Variants in CHL1 observed in about 807,000 individuals in gnomAD.
CHL1 encodes neural cell adhesion molecule L1-like protein.
CHL1 carries 96 observed loss-of-function variants against 141.9 expected under a neutral mutation model. The ratio of observed to expected loss-of-function variants is 0.68; its 90% CI spans 0.57 to 0.80. CHL1 has a LOEUF of 0.80. Ranked by LOEUF, CHL1 falls within the 30% of genes least tolerant of loss-of-function variation. The probability of loss-of-function intolerance (pLI) is 0.00; values close to 1 mark genes in which losing one functional copy is unlikely to be tolerated. For missense variants in CHL1, 1,820 were observed against 1,457.2 expected (o/e 1.25, Z -4.05); for synonymous variants, 613 against 502.2 (o/e 1.22, Z -2.95).
At chr3:261,199 T>C (rs1694688667) in intron 2 of CHL1, among the ~76,000 whole-genome samples, 1 of 152,170 alleles carries the variant, frequency 6.6e-6, no homozygotes, top group East Asian at 1.9e-4. Flanking sequence ...AATTACTTAG[T>C]GAAGCCAGCC....
At chr3:384,586 G>T (rs1274697167) in intron 19 of CHL1, 1 of 152,002 alleles carries the variant, frequency 6.6e-6, no homozygotes, top group Non-Finnish European at 1.5e-5. Context: ...TTATTCTAGG[G>T]TCATTTCCAA....
At chr3:388,063 T>G (rs1707901050) in intron 19 of CHL1, among the ~76,000 whole-genome samples, 2 of 152,248 alleles carry the variant, frequency 1.3e-5, no homozygotes, top group Non-Finnish European at 2.9e-5. Context: ...AATTACTGTT[T>G]ATATAAGTGA....
chr3:334,825 G>C (rs931148004), intron 5 of CHL1, among the ~76,000 whole-genome samples: 1 of 152,086 alleles, frequency 6.6e-6, no homozygotes, highest in African/African-American at 2.4e-5. Flanking sequence ...TTAAGAATGA[G>C]AAAAAATATC....
chr3:382,300 C>G lies in CHL1; in HGVS notation c.1978+20C>G. The stretch of plus-strand genomic sequence containing the variant: ...TTAGCGGTAGGAAGACTTGGGATAA[C>G]TGTTTTCATTACTCTAGATAGTCAA... On this transcript the variant is annotated intron_variant, in intron 17 of 27. Transcript: ENST00000256509. 6.3e-7 allele frequency: 1 copy of G among 1,598,386 alleles called. No individual in the cohort carries two copies. Among genetic ancestry groups the G allele is most frequent in the Non-Finnish European group, 8.6e-7 (1 of 1,166,310 alleles).
At chr3:354,826 T>C in intron 11 of CHL1, 55 bp downstream of exon 11, 1 of 1,601,464 alleles carries the variant, frequency 6.2e-7, no homozygotes, top group Non-Finnish European at 8.5e-7. Flanking sequence ...TTGACGGGAT[T>C]AATGATGGTC....
At chr3:291,254 C>A (rs1410723003) in intron 2 of CHL1, among the ~76,000 whole-genome samples, 1 of 151,834 alleles carries the variant, frequency 6.6e-6, no homozygotes, top group Non-Finnish European at 1.5e-5. Flanking sequence ...ATTTATTTAT[C>A]CTGGAGACAC....
intron 15 of CHL1, among the ~76,000 whole-genome samples, chr3:371,250 A>C (rs1461752937): frequency 6.6e-6 from 1 of 152,020 alleles, no homozygotes; most frequent in African/African-American, 2.4e-5. Context: ...GTGTCTTTGT[A>C]TGTGTCTCTA....
At chr3:297,354 A>C (rs1698287170) in intron 2 of CHL1, among the ~76,000 whole-genome samples, 1 of 152,194 alleles carries the variant, frequency 6.6e-6, no homozygotes, top group Non-Finnish European at 1.5e-5. Flanking sequence ...TTGTGGAGAG[A>C]AAATTAAAAT....
intron 21 of CHL1, 64 bp downstream of exon 21, chr3:390,880 A>C (rs1708166493): frequency 6.6e-7 from 1 of 1,514,980 alleles, no homozygotes; most frequent in Non-Finnish European, 9.2e-7. Flanking sequence ...AATAAAGAAG[A>C]ATTGATTTCA....
At chr3:380,012 T>C (rs1277090540) in intron 16 of CHL1, among the ~76,000 whole-genome samples, 1 of 152,166 alleles carries the variant, frequency 6.6e-6, no homozygotes, top group Non-Finnish European at 1.5e-5. Context: ...AGGATATCAT[T>C]TTTTAAAAGT....
At chr3:268,683 T>A (rs897603704) in intron 2 of CHL1, among the ~76,000 whole-genome samples, 1 of 152,228 alleles carries the variant, frequency 6.6e-6, no homozygotes, top group Non-Finnish European at 1.5e-5. Flanking sequence ...CATAAATATA[T>A]CTTGCAAAAC....
intron 2 of CHL1, among the ~76,000 whole-genome samples, chr3:257,030 C>T (rs1694238698): frequency 6.6e-6 from 1 of 152,150 alleles, no homozygotes; most frequent in Admixed American, 6.6e-5. Context: ...GTCTCACATT[C>T]TCTAATTAGT....
rs145428983 is a variant in CHL1, at chr3:354,795, T to G, written c.1165+24T>G. On this transcript the variant is annotated intron_variant, in intron 11 of 27. Transcript: ENST00000256509. Reference sequence around the variant, plus strand: ...CAGTAAGTTTAAAAACCAATTGCAATGCAATGCTGAAGGCCCTGGTTTGAC... The same window carrying G: ...CAGTAAGTTTAAAAACCAATTGCAAGGCAATGCTGAAGGCCCTGGTTTGAC... 133 of 1,611,710 alleles carry G rather than the reference T, an allele frequency of 8.3e-5. 1 individual carries two copies. The African/African-American group carries it at 1.4e-3, about 17-fold the overall frequency.
At chr3:227,577 C>G (rs747258710) in intron 1 of CHL1, among the ~76,000 whole-genome samples, 4 of 152,124 alleles carry the variant, frequency 2.6e-5, no homozygotes, top group Non-Finnish European at 4.4e-5. Context: ...TAAAAATAGT[C>G]TGAATTCTGG....
At position 398,921 on chromosome 3, in the gene CHL1, G is replaced by T. The variant is rs116094983; in HGVS notation, c.3254-96G>T. ...GTCATTAAAAAAACTGATACTATTT[G>T]GTATGTTTAAAAATGATGTCTAATT... On this transcript the variant is annotated intron_variant, in intron 25 of 27. Coordinates refer to ENST00000256509, the MANE Select transcript of CHL1 (RefSeq NM_006614.4). 1.9e-3 allele frequency: 2,114 copies of T among 1,124,948 alleles called. 33 individuals carry two copies. In the African/African-American group the frequency reaches 0.029, roughly 15 times the overall value. The allele number at this position is 1,124,948 out of a possible 1,614,324, so 69.7% of individuals were successfully genotyped here.
At chr3:378,826 C>G (rs573694244) in intron 16 of CHL1, among the ~76,000 whole-genome samples, 2 of 152,282 alleles carry the variant, frequency 1.3e-5, no homozygotes, top group South Asian at 4.1e-4. Flanking sequence ...ACCAATATTT[C>G]AAGTCTCTCT....
At chr3:398,522 G>T in intron 25 of CHL1, 137 bp downstream of exon 25, 2 of 520,378 alleles carry the variant, frequency 3.8e-6, no homozygotes, top group Non-Finnish European at 3.2e-6. Flanking sequence ...AATTTGTTTT[G>T]ACATATTTTT....
intron 1 of CHL1, among the ~76,000 whole-genome samples, chr3:241,916 G>C (rs1366609584): frequency 6.6e-6 from 1 of 151,890 alleles, no homozygotes; most frequent in Admixed American, 6.6e-5. Context: ...TGAGGGAAAG[G>C]GTAAATGCTT....
At chr3:213,701 C>G (rs1245263946) in intron 1 of CHL1, 1 of 152,084 alleles carries the variant, frequency 6.6e-6, no homozygotes, top group Non-Finnish European at 1.5e-5. Context: ...AGCTTGTGCA[C>G]TGTTAAAAGT....
Sources: allele counts gnomAD v4.1 joint callset (sites outside exome capture counted in the v4.1 genomes callset), GRCh38; gene constraint gnomAD v4.1.1; transcripts MANE v1.5; gene names NCBI Gene and HGNC (gene_info 2026-07-23, HGNC 2026-07-21).